PTPRR: variants seen among roughly 807,000 people sequenced by gnomAD.
The protein encoded by PTPRR is protein tyrosine phosphatase receptor type R.
A neutral mutation model predicts 77.2 loss-of-function variants in PTPRR; 38 were observed. The ratio of observed to expected loss-of-function variants is 0.49; its 90% CI spans 0.38 to 0.65. The LOEUF is 0.65. Among genes scored for constraint, PTPRR ranks in the 30% least tolerant of loss-of-function variants. The probability of loss-of-function intolerance (pLI) is 0.00; values close to 1 mark genes in which losing one functional copy is unlikely to be tolerated. For synonymous variants in PTPRR, 299 were observed against 283.1 expected (o/e 1.06, Z -0.57); for missense variants, 744 against 799.2 (o/e 0.93, Z 0.83).
chr12:70,799,061 C>T (rs1166861435), intron 2 of PTPRR, among the ~76,000 whole-genome samples: 1 of 152,100 alleles, frequency 6.6e-6, no homozygotes, highest in Admixed American at 6.6e-5. Flanking sequence ...GCTCCATAAG[C>T]AATCTTTTAA....
chr12:70,683,556 T>G (rs1232760275), intron 10 of PTPRR, among the ~76,000 whole-genome samples: 1 of 152,204 alleles, frequency 6.6e-6, no homozygotes, highest in Non-Finnish European at 1.5e-5. Context: ...CATTATTAAA[T>G]GTAATCTGCA....
chr12:70,650,534 G>A (rs1193246480), intron 13 of PTPRR, among the ~76,000 whole-genome samples: 1 of 152,080 alleles, frequency 6.6e-6, no homozygotes, highest in African/African-American at 2.4e-5. Flanking sequence ...AGAGGGTTTG[G>A]CTTAGGAGGC....
At chr12:70,858,392 T>C (rs1397856798) in intron 2 of PTPRR, among the ~76,000 whole-genome samples, 1 of 152,068 alleles carries the variant, frequency 6.6e-6, no homozygotes, top group Non-Finnish European at 1.5e-5. Context: ...TGTCAGGGCA[T>C]AACTTTTCCA....
At chr12:70,769,162 C>G (rs1795212161) in intron 2 of PTPRR, among the ~76,000 whole-genome samples, 11 of 138,828 alleles carry the variant, frequency 7.9e-5, no homozygotes, top group African/African-American at 1.1e-4. Flanking sequence ...CTGGCCAGGG[C>G]AATTAGGCAG....
chr12:70,830,109 C>A (rs1349598936), intron 2 of PTPRR, among the ~76,000 whole-genome samples: 2 of 152,100 alleles, frequency 1.3e-5, no homozygotes, highest in Admixed American at 6.5e-5. Flanking sequence ...GGACATAAAA[C>A]AAACAAAAAA....
At chr12:70,770,541 A>C (rs1455642205) in intron 2 of PTPRR, among the ~76,000 whole-genome samples, 1 of 152,182 alleles carries the variant, frequency 6.6e-6, no homozygotes, top group Admixed American at 6.5e-5. Flanking sequence ...GAGAAATAGG[A>C]ACACTTTTAT....
intron 1 of PTPRR, among the ~76,000 whole-genome samples, chr12:70,897,680 G>A (rs376127549): frequency 9.9e-4 from 150 of 151,974 alleles, no homozygotes; most frequent in Middle Eastern, 3.4e-3. Flanking sequence ...ATTATAAATC[G>A]TGCTGCTATA....
rs550432864 is a variant in PTPRR at position 70,887,207 on chromosome 12, T to G, written c.357+5472A>C. On this transcript the variant is annotated intron_variant, in intron 2 of 13. Transcript: ENST00000283228. The stretch of plus-strand genomic sequence containing the variant: ...GCTCATGCCTGTAATCCCAGCACTT[T>G]GGGAGGCTGAGGCAGGTAGATCACT... 3.8e-4 allele frequency among the ~76,000 whole-genome samples: 58 copies of G among 152,188 alleles called. 1 individual carries two copies. Among genetic ancestry groups the G allele is most frequent in the Admixed American group, 3.7e-3 (57 of 15,284 alleles).
intron 13 of PTPRR, among the ~76,000 whole-genome samples, chr12:70,646,651 A>G (rs992229110): frequency 6.6e-6 from 1 of 152,150 alleles, no homozygotes; most frequent in Non-Finnish European, 1.5e-5. Flanking sequence ...ATCCACACCA[A>G]TTTCTAGGGC....
intron 10 of PTPRR, chr12:70,672,542 A>C (rs1302747143): frequency 2.8e-5 from 37 of 1,322,968 alleles, no homozygotes; most frequent in Non-Finnish European, 3.9e-5. Flanking sequence ...CTGCTGGGAA[A>C]AACCTTCAAC....
intron 6 of PTPRR, among the ~76,000 whole-genome samples, chr12:70,718,286 G>A (rs1336565548): frequency 2.0e-5 from 3 of 150,454 alleles, no homozygotes; most frequent in Non-Finnish European, 4.4e-5. Flanking sequence ...TTTTTCTTGA[G>A]ATGGAGTCTT....
chr12:70,667,109 C>T (rs959458426), intron 10 of PTPRR, among the ~76,000 whole-genome samples: 2 of 151,812 alleles, frequency 1.3e-5, no homozygotes, highest in East Asian at 3.9e-4. Flanking sequence ...GCGCCCGCCA[C>T]CATGCCTGGC....
intron 4 of PTPRR, among the ~76,000 whole-genome samples, chr12:70,761,043 A>G (rs531565601): frequency 6.6e-6 from 1 of 152,328 alleles, no homozygotes; most frequent in East Asian, 1.9e-4. Flanking sequence ...AAGTTATGGG[A>G]AAAGGCGAAT....
chr12:70,829,217 A>G (rs1428673529), intron 2 of PTPRR, among the ~76,000 whole-genome samples: 1 of 151,278 alleles, frequency 6.6e-6, no homozygotes, highest in Admixed American at 6.6e-5. Context: ...GGAAAGAAGG[A>G]AAGAAGGAAA....
intron 2 of PTPRR, among the ~76,000 whole-genome samples, chr12:70,890,768 T>A (rs117526500): frequency 0.042 from 6,353 of 152,194 alleles, 213 homozygotes; most frequent in South Asian, 0.065. Flanking sequence ...GTACATATGA[T>A]AAGCACAAAC....
At chr12:70,865,113 G>A (rs951869699) in intron 2 of PTPRR, among the ~76,000 whole-genome samples, 9 of 152,048 alleles carry the variant, frequency 5.9e-5, no homozygotes, top group African/African-American at 1.7e-4. Context: ...GTGCCCGACC[G>A]AGATCTGATG....
At chr12:70,647,804 C>T (rs1394647413) in intron 13 of PTPRR, among the ~76,000 whole-genome samples, 1 of 152,068 alleles carries the variant, frequency 6.6e-6, no homozygotes, top group South Asian at 2.1e-4. Flanking sequence ...ACGGTAATCT[C>T]CTGTTAATAG....
chr12:70,772,863 T>C (rs770482585), intron 2 of PTPRR, among the ~76,000 whole-genome samples: 6 of 152,094 alleles, frequency 3.9e-5, no homozygotes, highest in Non-Finnish European at 8.8e-5. Context: ...TTAAAATTTA[T>C]CTTACTTTAT....
At chr12:70,689,595 C>T (rs2136750275) in intron 8 of PTPRR, among the ~76,000 whole-genome samples, 1 of 152,116 alleles carries the variant, frequency 6.6e-6, no homozygotes, top group Non-Finnish European at 1.5e-5. Context: ...TCCTATTGAT[C>T]AAAACTCTTG....
Sources: allele counts gnomAD v4.1 joint callset (sites outside exome capture counted in the v4.1 genomes callset), GRCh38; gene constraint gnomAD v4.1.1; transcripts MANE v1.5; gene names NCBI Gene and HGNC (gene_info 2026-07-23, HGNC 2026-07-21).